SYNDIG1: variants seen among roughly 807,000 people sequenced by gnomAD.
SYNDIG1 encodes synapse differentiation-inducing gene protein 1.
A neutral mutation model predicts 19.4 loss-of-function variants in SYNDIG1; 9 were observed. The ratio of observed to expected loss-of-function variants is 0.46; its 90% CI spans 0.28 to 0.81. The LOEUF (loss-of-function observed/expected upper bound fraction) is 0.81, where lower values mean the gene tolerates loss of function less well. SYNDIG1 is among the 30% of genes least tolerant of loss of function. The pLI, the probability that SYNDIG1 is intolerant of heterozygous loss-of-function variation, is 0.12. For synonymous variants in SYNDIG1, 141 were observed against 145.9 expected, an observed-to-expected ratio of 0.97 and a Z score of 0.24; for missense variants, 311 against 343.3, an observed-to-expected ratio of 0.91 and a Z score of 0.74.
At chr20:24,622,746 A>G (rs1019569138) in intron 3 of SYNDIG1, among the ~76,000 whole-genome samples, 1 of 152,220 alleles carries the variant, frequency 6.6e-6, no homozygotes, top group African/African-American at 2.4e-5. Flanking sequence ...AGTGTAACAT[A>G]TGAAAATTGG....
chr20:24,550,498 T>C (rs1241723273), intron 2 of SYNDIG1, among the ~76,000 whole-genome samples: 2 of 148,600 alleles, frequency 1.3e-5, no homozygotes, highest in Non-Finnish European at 3.0e-5. Context: ...TCATGTGGTA[T>C]ATTACGTTAA....
intron 3 of SYNDIG1, among the ~76,000 whole-genome samples, chr20:24,660,169 A>T (rs1237781822): frequency 6.6e-6 from 1 of 152,250 alleles, no homozygotes; most frequent in African/African-American, 2.4e-5. Context: ...GGCAACCATG[A>T]GTCAGATTCC....
intron 3 of SYNDIG1, among the ~76,000 whole-genome samples, chr20:24,643,009 G>C (rs1390153320): frequency 6.6e-6 from 1 of 152,124 alleles, no homozygotes; most frequent in Non-Finnish European, 1.5e-5. Context: ...AATGTAATTA[G>C]TTCTATATAG....
intron 2 of SYNDIG1, among the ~76,000 whole-genome samples, chr20:24,581,781 A>G (rs2058327396): frequency 6.6e-6 from 1 of 151,004 alleles, no homozygotes; most frequent in African/African-American, 2.4e-5. Flanking sequence ...CATGTTGCAC[A>G]TCCTCCCCGC....
intron 2 of SYNDIG1, among the ~76,000 whole-genome samples, chr20:24,575,888 G>A (rs1029400584): frequency 1.3e-5 from 2 of 152,302 alleles, no homozygotes; most frequent in East Asian, 1.9e-4. Context: ...AACAGGAAAA[G>A]CCTGAGCTGT....
At chr20:24,472,779 A>G (rs767231251) in intron 1 of SYNDIG1, among the ~76,000 whole-genome samples, 9 of 152,238 alleles carry the variant, frequency 5.9e-5, no homozygotes, top group Non-Finnish European at 1.0e-4. Context: ...CCCATTCTGC[A>G]CACCTCTGTG....
At chr20:24,635,409 G>T (rs950413970) in intron 3 of SYNDIG1, among the ~76,000 whole-genome samples, 1 of 152,086 alleles carries the variant, frequency 6.6e-6, no homozygotes, top group Non-Finnish European at 1.5e-5. Context: ...CTTCATTCCT[G>T]GTCATCTTGC....
At chr20:24,551,479 T>G (rs2057705301) in intron 2 of SYNDIG1, among the ~76,000 whole-genome samples, 1 of 152,194 alleles carries the variant, frequency 6.6e-6, no homozygotes. Flanking sequence ...GTTTTCCATT[T>G]TATTAATTTT....
At chr20:24,533,588 A>G (rs2057303503) in intron 1 of SYNDIG1, among the ~76,000 whole-genome samples, 1 of 151,950 alleles carries the variant, frequency 6.6e-6, no homozygotes, top group Non-Finnish European at 1.5e-5. Context: ...CAAGGAGGGA[A>G]GGCCATAGAC....
At chr20:24,661,431 GAGGAAGGAAGGAGGAAAGAGGGAGGAAGT>G in intron 3 of SYNDIG1, among the ~76,000 whole-genome samples, 3 of 149,106 alleles carry the variant, frequency 2.0e-5, no homozygotes, top group Non-Finnish European at 4.5e-5. Flanking sequence ...AGGAAGGAGG[GAGGAAGGAAGGAGGAAAGAGGGAGGAAGT>G]AGGAAGGAGG....
At chr20:24,608,154 A>G (rs2058788012) in intron 3 of SYNDIG1, among the ~76,000 whole-genome samples, 1 of 152,000 alleles carries the variant, frequency 6.6e-6, no homozygotes, top group South Asian at 2.1e-4. Context: ...ATGACAAATA[A>G]TACAGAAATT....
chr20:24,623,896 T>C (rs1568693616), intron 3 of SYNDIG1, among the ~76,000 whole-genome samples: 1 of 152,166 alleles, frequency 6.6e-6, no homozygotes. Context: ...ATGGCAACCA[T>C]TAATCTGACT....
At chr20:24,618,977 A>C (rs968336506) in intron 3 of SYNDIG1, among the ~76,000 whole-genome samples, 2 of 152,154 alleles carry the variant, frequency 1.3e-5, no homozygotes, top group Non-Finnish European at 2.9e-5. Flanking sequence ...GACAAAACGC[A>C]CCTGTTTTCT....
chr20:24,513,490 G>A (rs931429652), intron 1 of SYNDIG1, among the ~76,000 whole-genome samples: 1 of 152,210 alleles, frequency 6.6e-6, no homozygotes, highest in Admixed American at 6.5e-5. Context: ...ACAAGCTTCA[G>A]TAGCCGATTC....
At chr20:24,558,177 G>T (rs776762519) in intron 2 of SYNDIG1, among the ~76,000 whole-genome samples, 1 of 152,044 alleles carries the variant, frequency 6.6e-6, no homozygotes, top group Non-Finnish European at 1.5e-5. Flanking sequence ...AAGGCCTGGG[G>T]GTACTTTTCT....
intron 3 of SYNDIG1, among the ~76,000 whole-genome samples, chr20:24,631,040 GA>G (rs774684392): frequency 6.6e-6 from 1 of 152,232 alleles, no homozygotes; most frequent in Non-Finnish European, 1.5e-5. Flanking sequence ...GACACCCTTG[GA>G]TTGCCCACAG....
At chr20:24,478,859 C>G (rs2055709752) in intron 1 of SYNDIG1, among the ~76,000 whole-genome samples, 1 of 152,174 alleles carries the variant, frequency 6.6e-6, no homozygotes, top group African/African-American at 2.4e-5. Flanking sequence ...AAGCTGCATT[C>G]CTGTAATGCC....
chr20:24,550,839 A>G (rs543748612), intron 2 of SYNDIG1, among the ~76,000 whole-genome samples: 29 of 152,156 alleles, frequency 1.9e-4, no homozygotes, highest in African/African-American at 6.5e-4. Context: ...ATAACAGACC[A>G]TCCTTGCATT....
intron 1 of SYNDIG1, among the ~76,000 whole-genome samples, chr20:24,517,352 A>G (rs1202665725): frequency 6.6e-6 from 1 of 150,848 alleles, no homozygotes; most frequent in Non-Finnish European, 1.5e-5. Flanking sequence ...GTGGTGGCTC[A>G]CGCCTGTAAT....
Sources: allele counts gnomAD v4.1 joint callset (sites outside exome capture counted in the v4.1 genomes callset), GRCh38; gene constraint gnomAD v4.1.1; transcripts MANE v1.5; gene names NCBI Gene and HGNC (gene_info 2026-07-23, HGNC 2026-07-21).